UTRN: variants seen among roughly 807,000 people sequenced by gnomAD.
The protein encoded by UTRN is dystrophin-related protein 1.
Under a neutral mutation model 463.9 loss-of-function variants are expected in UTRN, and 283 were observed. The observed-to-expected ratio is 0.61, with a 90% confidence interval of 0.55 to 0.67. UTRN has a LOEUF of 0.67. Among genes scored for constraint, UTRN ranks in the 30% least tolerant of loss-of-function variants. UTRN has a pLI of 0.00. For synonymous variants in UTRN, 1,442 were observed against 1,431.5 expected, an observed-to-expected ratio of 1.01 and a Z score of -0.17; for missense variants, 3,922 against 4,084.3, an observed-to-expected ratio of 0.96 and a Z score of 1.08.
intron 51 of UTRN, among the ~76,000 whole-genome samples, chr6:144,615,265 T>A (rs1346398200): frequency 2.0e-5 from 3 of 152,190 alleles, no homozygotes; most frequent in Admixed American, 6.5e-5. Flanking sequence ...AGAAGTCATT[T>A]CCTATATTAC....
chr6:144,793,683 AG>A (rs1157188229), intron 62 of UTRN, 150 bp from the exon 63 acceptor site: 1 of 875,922 alleles, frequency 1.1e-6, no homozygotes, highest in Non-Finnish European at 1.7e-6. Context: ...CAGAATATTA[AG>A]GTCATTGGAA....
intron 51 of UTRN, among the ~76,000 whole-genome samples, chr6:144,677,133 T>C (rs985754329): frequency 2.0e-5 from 3 of 152,194 alleles, no homozygotes; most frequent in Non-Finnish European, 4.4e-5. Context: ...AGTTCTGGGA[T>C]ACATGTGCTG....
At chr6:144,441,922 C>T (rs1011142892) in intron 13 of UTRN, among the ~76,000 whole-genome samples, 2 of 152,160 alleles carry the variant, frequency 1.3e-5, no homozygotes, top group Admixed American at 6.6e-5. Flanking sequence ...GTACCTTTGC[C>T]CCTTTTAGTC....
intron 51 of UTRN, among the ~76,000 whole-genome samples, chr6:144,630,949 T>G (rs1376605849): frequency 1.3e-5 from 2 of 152,166 alleles, no homozygotes; most frequent in African/African-American, 4.8e-5. Flanking sequence ...AAGATACTTT[T>G]ATTATTTTGG....
chr6:144,638,170 G>A (rs1379816749), intron 51 of UTRN, among the ~76,000 whole-genome samples: 1 of 152,032 alleles, frequency 6.6e-6, no homozygotes, highest in Non-Finnish European at 1.5e-5. Context: ...TCTAATGAGA[G>A]CACTGTTTTA....
At chr6:144,713,134 C>G (rs1210057277) in intron 53 of UTRN, among the ~76,000 whole-genome samples, 2 of 152,136 alleles carry the variant, frequency 1.3e-5, no homozygotes, top group African/African-American at 4.8e-5. Context: ...AGGTGACCAT[C>G]CCTAATCAGA....
intron 54 of UTRN, among the ~76,000 whole-genome samples, chr6:144,734,887 C>T (rs891608125): frequency 6.6e-6 from 1 of 152,182 alleles, no homozygotes; most frequent in Non-Finnish European, 1.5e-5. Flanking sequence ...TGCCATGTTA[C>T]ATTTCTGACC....
chr6:144,468,488 AGTTT>A (rs1790171070), intron 23 of UTRN, among the ~76,000 whole-genome samples: 1 of 150,056 alleles, frequency 6.7e-6, no homozygotes, highest in Non-Finnish European at 1.5e-5. Context: ...ATTAGTACTT[AGTTT>A]ATTTTTTTTT....
chr6:144,299,000 C>T (rs1805001527), intron 2 of UTRN, among the ~76,000 whole-genome samples: 1 of 152,102 alleles, frequency 6.6e-6, no homozygotes, highest in Non-Finnish European at 1.5e-5. Context: ...ATTTTTGGTG[C>T]AGGAAATAAC....
At chr6:144,551,557 G>C (rs1798921768) in intron 48 of UTRN, among the ~76,000 whole-genome samples, 1 of 152,160 alleles carries the variant, frequency 6.6e-6, no homozygotes, top group South Asian at 2.1e-4. Context: ...GGATACTTTA[G>C]TTATAAATGA....
At chr6:144,315,012 G>A (rs1320172149) in intron 2 of UTRN, among the ~76,000 whole-genome samples, 5 of 151,762 alleles carry the variant, frequency 3.3e-5, no homozygotes, top group African/African-American at 4.8e-5. Flanking sequence ...TCATGAGCTC[G>A]AATGGCTTAC....
Position 144,533,204 on chromosome 6 carries a change from A to G in UTRN, c.6177A>G (p.Ala2059=), listed in dbSNP as rs1282039470. The G allele has an allele frequency of 3.7e-6, 6 of 1,614,224 alleles. No homozygotes were observed. The highest frequency in any genetic ancestry group is 5.1e-6 in the Non-Finnish European group (6 of 1,180,016). Residue 2059 remains alanine (A), a synonymous_variant, in exon 43 of 75, where the codon GCA becomes GCG. Coordinates refer to ENST00000367545, the MANE Select transcript of UTRN (RefSeq NM_007124.3). ...GAAGCTTCTTGAAAGAAAAACTGGC[A>G]GGTTTAAACCAACGCTGGGATGCAA... ...ADGSFLKEKL[A]GLNQRWDAIV...
intron 2 of UTRN, among the ~76,000 whole-genome samples, chr6:144,383,646 G>T (rs1174121890): frequency 6.6e-6 from 1 of 152,158 alleles, no homozygotes; most frequent in Non-Finnish European, 1.5e-5. Flanking sequence ...ATCTCTAGTT[G>T]CAAGGCAAGG....
intron 47 of UTRN, 49 bp downstream of exon 47, chr6:144,548,903 G>A (rs1235472399): frequency 1.9e-6 from 3 of 1,581,502 alleles, no homozygotes; most frequent in African/African-American, 1.3e-5. Flanking sequence ...CAACCCAGAG[G>A]TAGACCAGAT....
At position 144,723,974 on chromosome 6, in the gene UTRN, C is replaced by T. The variant is rs531238834; in HGVS notation, c.7810-6383C>T. On this transcript the variant is annotated intron_variant, in intron 53 of 74. Coordinates refer to ENST00000367545, the MANE Select transcript of UTRN (RefSeq NM_007124.3). ...GCAGTGAGCCAAGATCATGCCACTG[C>T]ACTCCAGCTTGGGCGACAGAGTGAG... is the stretch of plus-strand genomic sequence containing the variant. Among the ~76,000 whole-genome samples, 295 of 128,598 alleles carry T rather than the reference C, an allele frequency of 2.3e-3. 2 individuals are homozygous for T. Among genetic ancestry groups the T allele is most frequent in the African/African-American group, 8.6e-3 (281 of 32,842 alleles). The allele number at this position is 128,598 out of a possible 152,430, so 84.4% of individuals were successfully genotyped here. A position where few individuals can be genotyped will look rare whatever the true frequency, so the allele number is the denominator to read the frequency against.
At chr6:144,781,473 A>G (rs10499235) in intron 60 of UTRN, among the ~76,000 whole-genome samples, 23,961 of 152,190 alleles carry the variant, frequency 0.16, 2,204 homozygotes, top group South Asian at 0.26. Flanking sequence ...TTTAAGAACA[A>G]TTAGTTTGGC....
intron 57 of UTRN, among the ~76,000 whole-genome samples, chr6:144,757,236 TAAAAAAAAAA>T (rs375711274): frequency 1.7e-5 from 2 of 115,544 alleles, no homozygotes; most frequent in Admixed American, 1.8e-4. Context: ...ACTAGAATTG[TAAAAAAAAAA>T]AAAAAAAAAG....
chr6:144,788,311 T>C (rs1776459162), intron 61 of UTRN, among the ~76,000 whole-genome samples: 1 of 152,184 alleles, frequency 6.6e-6, no homozygotes, highest in Non-Finnish European at 1.5e-5. Context: ...AAATTAACTA[T>C]ATACTGAGGG....
intron 52 of UTRN, among the ~76,000 whole-genome samples, chr6:144,683,490 A>G (rs892475002): frequency 1.3e-5 from 2 of 152,072 alleles, no homozygotes; most frequent in African/African-American, 4.8e-5. Context: ...TGGCTCCTTC[A>G]TTGCCTACTG....
Sources: gnomAD v4.1 joint callset for allele counts (sites outside exome capture counted in the v4.1 genomes callset) on GRCh38, gnomAD v4.1.1 for gene constraint, MANE v1.5 for transcripts, NCBI Gene and HGNC (gene_info 2026-07-23, HGNC 2026-07-21) for gene names.